LLPH: variants seen among roughly 807,000 people sequenced by gnomAD.
LLPH encodes protein LLP homolog.
Under a neutral mutation model 13.3 loss-of-function variants are expected in LLPH, and 5 were observed. That is an observed-to-expected ratio of 0.38 (90% CI 0.20 to 0.79). LLPH has a LOEUF of 0.79. Among genes scored for constraint, LLPH ranks in the 30% least tolerant of loss-of-function variants. LLPH has a pLI of 0.45. For missense variants in LLPH, 129 were observed against 152.1 expected (o/e 0.85, Z 0.80); for synonymous variants, 32 against 44.2 (o/e 0.72, Z 1.09).
In LLPH at chr12:66,117,950, T is replaced by C. The variant is rs1278151517; in HGVS notation, c.*5890A>G. On this transcript the variant is annotated 3_prime_UTR_variant, in exon 3 of 3. Coordinates refer to ENST00000266604, the MANE Select transcript of LLPH (RefSeq NM_032338.4). ...TAAGGTAAGTGTTATGATAAAAGGG[T>C]TATACAGTTTAAAAAATTAAAACGT... 6.6e-6 allele frequency: 1 copy of C among 152,148 alleles called. No homozygotes were observed. The highest frequency in any genetic ancestry group is 2.4e-5 in the African/African-American group (1 of 41,444). The allele number at this position is 152,148 out of a possible 1,614,324, so 9.4% of individuals were successfully genotyped here. A position where few individuals can be genotyped will look rare whatever the true frequency, so the allele number is the denominator to read the frequency against.
intron 2 of LLPH, among the ~76,000 whole-genome samples, chr12:66,126,982 T>C (rs1439113466): frequency 4.0e-5 from 6 of 151,016 alleles, no homozygotes; most frequent in South Asian, 4.2e-4. Context: ...CTTCATTCAA[T>C]GTCATTAGTC....
rs914643246 is a variant in LLPH at position 66,120,785 on chromosome 12, G to A, written c.*3055C>T. 1 of 152,168 alleles carries A rather than the reference G, an allele frequency of 6.6e-6. No individual in the cohort carries two copies. The highest frequency in any genetic ancestry group is 6.5e-5 in the Admixed American group (1 of 15,282). 9.4% of individuals were successfully genotyped at this position (152,168 alleles called of 1,614,324 possible). A position where few individuals can be genotyped will look rare whatever the true frequency, so the allele number is the denominator to read the frequency against. ...ATAAAAGGACTATGCTATACTTCTCGATTTGTAATCTTTAAAAATAAAGTG... is the reference window on the plus strand; with the variant it reads ...ATAAAAGGACTATGCTATACTTCTCAATTTGTAATCTTTAAAAATAAAGTG... On this transcript the variant is annotated 3_prime_UTR_variant, in exon 3 of 3. Transcript: ENST00000266604.
In LLPH at chr12:66,120,650, ATGATT is replaced by A. The variant is rs2051457640; in HGVS notation, c.*3185_*3189del. The A allele has an allele frequency of 6.6e-6, 1 of 152,242 alleles. No individual in the cohort carries two copies. Among genetic ancestry groups the A allele is most frequent in the African/African-American group, 2.4e-5 (1 of 41,464 alleles). The allele number at this position is 152,242 out of a possible 1,614,324, so 9.4% of individuals were successfully genotyped here. On this transcript the variant is annotated 3_prime_UTR_variant, in exon 3 of 3. Coordinates refer to ENST00000266604, the MANE Select transcript of LLPH (RefSeq NM_032338.4). ...TTAGCTCACTCAATCTAATTCCAAAATGATTTGGTGCTTAGCTTGAGCTCCATCTT... is the reference window on the plus strand; with the variant it reads ...TTAGCTCACTCAATCTAATTCCAAAATGGTGCTTAGCTTGAGCTCCATCTT...
intron 1 of LLPH, among the ~76,000 whole-genome samples, chr12:66,129,664 C>G (rs961738640): frequency 6.6e-6 from 1 of 152,204 alleles, no homozygotes; most frequent in African/African-American, 2.4e-5. Flanking sequence ...GGATTACAGG[C>G]TTGAGCCACC....
rs752948259 is a variant in LLPH, at chr12:66,128,870, G to C, written c.211+26C>G. The stretch of plus-strand genomic sequence containing the variant: ...CCTCAAAAAAAAAAAAAAAAAAAGA[G>C]AAAGAAAAAGGAGAAGCACACTCAC... On this transcript the variant is annotated intron_variant, in intron 2 of 2. Coordinates refer to ENST00000266604, the MANE Select transcript of LLPH (RefSeq NM_032338.4). The C allele has an allele frequency of 5.1e-6, 6 of 1,181,224 alleles. 1 individual carries two copies. The Admixed American group carries it at 1.4e-4, about 28-fold the overall frequency. 73.2% of individuals were successfully genotyped at this position (1,181,224 alleles called of 1,614,324 possible). A position where few individuals can be genotyped will look rare whatever the true frequency, so the allele number is the denominator to read the frequency against.
Position 66,118,899 on chromosome 12 carries a change from G to A in LLPH, c.*4941C>T, listed in dbSNP as rs2051446365. The A allele has an allele frequency of 6.6e-6, 1 of 152,128 alleles. No individual in the cohort carries two copies. Among genetic ancestry groups the A allele is most frequent in the African/African-American group, 2.4e-5 (1 of 41,426 alleles). The allele number at this position is 152,128 out of a possible 1,614,324, so 9.4% of individuals were successfully genotyped here. On this transcript the variant is annotated 3_prime_UTR_variant, in exon 3 of 3. Transcript: ENST00000266604. Reference sequence around the variant, plus strand: ...GCACCAATCCCCGATAGATTCTGAAGGATAACTCTACAGTGTTTGAATCCA... The same window carrying A: ...GCACCAATCCCCGATAGATTCTGAAAGATAACTCTACAGTGTTTGAATCCA...
intron 2 of LLPH, among the ~76,000 whole-genome samples, chr12:66,126,921 T>C (rs2051500842): frequency 6.9e-6 from 1 of 145,190 alleles, no homozygotes; most frequent in Non-Finnish European, 1.5e-5. Context: ...ACAGTAAGAC[T>C]CCATCTCAAA....
Position 66,117,551 on chromosome 12 carries a change from A to G in LLPH, c.*6289T>C, listed in dbSNP as rs2051436527. 6.6e-6 allele frequency: 1 copy of G among 152,248 alleles called. No individual in the cohort carries two copies. The highest frequency in any genetic ancestry group is 2.4e-5 in the African/African-American group (1 of 41,462). The allele number at this position is 152,248 out of a possible 1,614,324, so 9.4% of individuals were successfully genotyped here. A position where few individuals can be genotyped will look rare whatever the true frequency, so the allele number is the denominator to read the frequency against. ...GCACATACAATTATGTACAGTTCAT[A>G]ATACTTGATAATAATGACTACGGTT... On this transcript the variant is annotated 3_prime_UTR_variant, in exon 3 of 3. Coordinates refer to ENST00000266604, the MANE Select transcript of LLPH (RefSeq NM_032338.4).
chr12:66,119,883 T>C lies in LLPH; in HGVS notation c.*3957A>G, dbSNP rs1179840744. 1 of 152,200 alleles carries C rather than the reference T, an allele frequency of 6.6e-6. No homozygotes were observed. The highest frequency in any genetic ancestry group is 1.5e-5 in the Non-Finnish European group (1 of 68,036). 9.4% of individuals were successfully genotyped at this position (152,200 alleles called of 1,614,324 possible). A position where few individuals can be genotyped will look rare whatever the true frequency, so the allele number is the denominator to read the frequency against. On this transcript the variant is annotated 3_prime_UTR_variant, in exon 3 of 3. Transcript: ENST00000266604. ...CATATTCCAGAAACACGGATCCAAA[T>C]TTTGAAAATATCTGAATTTCCTAAT...
chr12:66,124,097 A>T, intron 2 of LLPH, 79 bp from the exon 3 acceptor site: 1 of 891,144 alleles, frequency 1.1e-6, no homozygotes, highest in Non-Finnish European at 1.7e-6. Context: ...TGCACTGAGA[A>T]CATCAGAACA....
intron 2 of LLPH, among the ~76,000 whole-genome samples, chr12:66,128,546 C>T (rs559384013): frequency 6.6e-6 from 1 of 152,224 alleles, no homozygotes; most frequent in South Asian, 2.1e-4. Flanking sequence ...CAGAGTATGC[C>T]TAGATTTGTC....
chr12:66,125,560 G>A (rs1319417405), intron 2 of LLPH, among the ~76,000 whole-genome samples: 1 of 152,024 alleles, frequency 6.6e-6, no homozygotes, highest in African/African-American at 2.4e-5. Context: ...AAATATCTAA[G>A]AATAAGGGCA....
chr12:66,124,332 G>A (rs2136828419), intron 2 of LLPH, among the ~76,000 whole-genome samples: 1 of 152,294 alleles, frequency 6.6e-6, no homozygotes, highest in Non-Finnish European at 1.5e-5. Flanking sequence ...ACACTTCTAA[G>A]GGATACACCT....
rs1374687710 is a variant in LLPH, at chr12:66,121,594, T to A, written c.*2246A>T. 6.6e-6 allele frequency: 1 copy of A among 151,840 alleles called. No individual in the cohort carries two copies. Among genetic ancestry groups the A allele is most frequent in the Non-Finnish European group, 1.5e-5 (1 of 68,000 alleles). The allele number at this position is 151,840 out of a possible 1,614,324, so 9.4% of individuals were successfully genotyped here. ...CCTTTTCCAAAAATCATAAAAAATG[T>A]CTACATTAGGCCGGGTGTGGTGGCT... On this transcript the variant is annotated 3_prime_UTR_variant, in exon 3 of 3. Transcript: ENST00000266604.
Position 66,118,911 on chromosome 12 carries a change from A to C in LLPH, c.*4929T>G, listed in dbSNP as rs1194498471. The stretch of plus-strand genomic sequence containing the variant: ...GATAGATTCTGAAGGATAACTCTAC[A>C]GTGTTTGAATCCATTTTGCTACATT... On this transcript the variant is annotated 3_prime_UTR_variant, in exon 3 of 3. Coordinates refer to ENST00000266604, the MANE Select transcript of LLPH (RefSeq NM_032338.4). The C allele has an allele frequency of 6.6e-6, 1 of 152,226 alleles. No individual in the cohort carries two copies. Among genetic ancestry groups the C allele is most frequent in the Admixed American group, 6.5e-5 (1 of 15,280 alleles). The allele number at this position is 152,226 out of a possible 1,614,324, so 9.4% of individuals were successfully genotyped here.
intron 2 of LLPH, among the ~76,000 whole-genome samples, chr12:66,127,453 A>C (rs2051504330): frequency 6.6e-6 from 1 of 152,224 alleles, no homozygotes; most frequent in Non-Finnish European, 1.5e-5. Flanking sequence ...AGAAATATTC[A>C]AAACAGGTAA....
At chr12:66,124,543 G>T (rs1217946017) in intron 2 of LLPH, among the ~76,000 whole-genome samples, 1 of 152,200 alleles carries the variant, frequency 6.6e-6, no homozygotes, top group Non-Finnish European at 1.5e-5. Flanking sequence ...AACACCCAGA[G>T]ATCCAGCTCT....
At chr12:66,129,912 G>A (rs1471522406) in intron 1 of LLPH, among the ~76,000 whole-genome samples, 1 of 152,016 alleles carries the variant, frequency 6.6e-6, no homozygotes, top group East Asian at 1.9e-4. Flanking sequence ...TGCTCAGTGT[G>A]ATCTTTTAAA....
intron 1 of LLPH, 29 bp from the exon 2 acceptor site, chr12:66,129,142 A>G: frequency 7.0e-7 from 1 of 1,425,062 alleles, no homozygotes; most frequent in Non-Finnish European, 9.8e-7. Context: ...CACATTCAAA[A>G]GCAAATCTTT....
Sources: gnomAD v4.1 joint callset for allele counts (sites outside exome capture counted in the v4.1 genomes callset) on GRCh38, gnomAD v4.1.1 for gene constraint, MANE v1.5 for transcripts, NCBI Gene and HGNC (gene_info 2026-07-23, HGNC 2026-07-21) for gene names.